The following UNC13C variants were observed in gnomAD, a reference collection of about 807,000 sequenced individuals.
UNC13C encodes the protein protein unc-13 homolog C.
Under a neutral mutation model 245.4 loss-of-function variants are expected in UNC13C, and 174 were observed. The ratio of observed to expected loss-of-function variants is 0.71; its 90% CI spans 0.63 to 0.80. The LOEUF (loss-of-function observed/expected upper bound fraction) is 0.80, where lower values mean the gene tolerates loss of function less well. Among genes scored for constraint, UNC13C ranks in the 30% least tolerant of loss-of-function variants. The pLI is 0.00. For missense variants in UNC13C, 2,829 were observed against 2,602.9 expected (o/e 1.09, Z -1.89); for synonymous variants, 992 against 895.1 (o/e 1.11, Z -1.93).
At chr15:54,110,277 C>T (rs547018596) in intron 2 of UNC13C, among the ~76,000 whole-genome samples, 316 of 15,652 alleles carry the variant, frequency 0.02, 2 homozygotes, top group African/African-American at 0.028. Flanking sequence ...TGAGACGCTG[C>T]CTCAAAAAAA....
chr15:54,368,251 A>C (rs548422048), intron 17 of UNC13C, among the ~76,000 whole-genome samples: 1 of 152,276 alleles, frequency 6.6e-6, no homozygotes, highest in African/African-American at 2.4e-5. Context: ...TGTTATCTAA[A>C]GAATGAATTG....
In UNC13C at chr15:54,114,141, G is replaced by C. The variant is rs150525273; in HGVS notation, c.2984-28877G>C. Among the ~76,000 whole-genome samples the C allele has an allele frequency of 1.2e-4, 19 of 152,216 alleles. No individual in the cohort carries two copies. The East Asian group carries it at 3.3e-3, about 26-fold the overall frequency. Reference sequence around the variant, plus strand: ...ATGTAAATTTTGTAGAAAGCATGATGTTACCTCCTTAATGTATGCATCCTC... The same window carrying C: ...ATGTAAATTTTGTAGAAAGCATGATCTTACCTCCTTAATGTATGCATCCTC... On this transcript the variant is annotated intron_variant, in intron 2 of 32. Transcript: ENST00000260323.
At chr15:54,089,321 C>G (rs1470509943) in intron 2 of UNC13C, among the ~76,000 whole-genome samples, 1 of 152,198 alleles carries the variant, frequency 6.6e-6, no homozygotes, top group Non-Finnish European at 1.5e-5. Flanking sequence ...AAGAATGTGT[C>G]TACAATTACC....
chr15:54,161,108 A>G (rs1476063232), intron 4 of UNC13C, among the ~76,000 whole-genome samples: 4 of 152,070 alleles, frequency 2.6e-5, no homozygotes, highest in Non-Finnish European at 5.9e-5. Context: ...TAATTTTTTT[A>G]ACTATTTAGA....
intron 19 of UNC13C, among the ~76,000 whole-genome samples, chr15:54,430,060 C>G (rs921809249): frequency 7.9e-5 from 12 of 151,596 alleles, no homozygotes; most frequent in African/African-American, 2.9e-4. Context: ...TTATTTTTTA[C>G]AGTATTCTAT....
the UNC13C span, among the ~76,000 whole-genome samples, chr15:53,884,461 G>A: frequency 6.6e-6 from 1 of 152,116 alleles, no homozygotes; most frequent in Non-Finnish European, 1.5e-5. Context: ...CTGAGTAGCT[G>A]AGACTACTGG....
At chr15:53,855,446 C>T in the UNC13C span, among the ~76,000 whole-genome samples, 1 of 152,044 alleles carries the variant, frequency 6.6e-6, no homozygotes, top group Non-Finnish European at 1.5e-5. Flanking sequence ...ATAAATGGCT[C>T]TCATTATTTT....
chr15:54,374,080 T>C (rs1291818774), intron 17 of UNC13C, among the ~76,000 whole-genome samples: 5 of 152,176 alleles, frequency 3.3e-5, no homozygotes, highest in Non-Finnish European at 5.9e-5. Context: ...GCAGCTCCTC[T>C]CTGCAGACAG....
At chr15:54,191,962 T>G (rs757518868) in intron 4 of UNC13C, among the ~76,000 whole-genome samples, 2 of 152,198 alleles carry the variant, frequency 1.3e-5, no homozygotes, top group Admixed American at 6.5e-5. Flanking sequence ...CTTTGTCAGA[T>G]GGATAGATTG....
chr15:53,941,871 A>G, the UNC13C span, among the ~76,000 whole-genome samples: 1 of 152,228 alleles, frequency 6.6e-6, no homozygotes, highest in African/African-American at 2.4e-5. Flanking sequence ...ATCTCATGCC[A>G]TACAGAATGG....
chr15:54,064,361 G>T (rs1319381619), intron 2 of UNC13C, among the ~76,000 whole-genome samples: 1 of 152,130 alleles, frequency 6.6e-6, no homozygotes, highest in African/African-American at 2.4e-5. Flanking sequence ...TTGCAACCTC[G>T]AAGTTTGAGA....
chr15:53,921,527 A>C, the UNC13C span, among the ~76,000 whole-genome samples: 596 of 152,370 alleles, frequency 3.9e-3, 8 homozygotes, highest in African/African-American at 0.013. Flanking sequence ...AAAGGAAGTC[A>C]AATTGCGTAA....
rs544487362 is a variant in UNC13C, at chr15:54,363,198, T to C, written c.4713+24709T>C. Among the ~76,000 whole-genome samples the C allele has an allele frequency of 1.8e-3, 277 of 152,340 alleles. 2 individuals carry two copies. The highest frequency in any genetic ancestry group is 5.3e-4 in the Non-Finnish European group (36 of 68,028). On this transcript the variant is annotated intron_variant, in intron 17 of 32. Coordinates refer to ENST00000260323, the MANE Select transcript of UNC13C (RefSeq NM_001080534.3). ...ATCTCGGCTCACTGCAACCTCTGCC[T>C]CCTGGGTTCAAGTGATTCTCTTGCC...
chr15:53,838,625 C>T, the UNC13C span, among the ~76,000 whole-genome samples: 1 of 151,930 alleles, frequency 6.6e-6, no homozygotes, highest in African/African-American at 2.4e-5. Flanking sequence ...TTATAATGAA[C>T]TATATTTATA....
the UNC13C span, among the ~76,000 whole-genome samples, chr15:53,861,511 A>T: frequency 2.6e-5 from 4 of 152,114 alleles, no homozygotes; most frequent in Non-Finnish European, 5.9e-5. Context: ...ACTTGTTCTT[A>T]GTCAAAAGGC....
At chr15:53,888,631 A>G in the UNC13C span, among the ~76,000 whole-genome samples, 3 of 152,130 alleles carry the variant, frequency 2.0e-5, no homozygotes, top group South Asian at 4.1e-4. Flanking sequence ...GCCCATGCCT[A>G]TGTCCTGAAT....
Position 54,584,926 on chromosome 15 carries a change from C to G in UNC13C, c.6106+16979C>G, listed in dbSNP as rs185390105. On this transcript the variant is annotated intron_variant, in intron 30 of 32. Coordinates refer to ENST00000260323, the MANE Select transcript of UNC13C (RefSeq NM_001080534.3). ...AGGGCATTTTCCACTAATCAGCCCACTAACCAAAGAAACCTAATTTTTCCA... is the reference window on the plus strand; with the variant it reads ...AGGGCATTTTCCACTAATCAGCCCAGTAACCAAAGAAACCTAATTTTTCCA... Among the ~76,000 whole-genome samples, 18 of 152,340 alleles carry G rather than the reference C, an allele frequency of 1.2e-4. No individual in the cohort carries two copies. In the East Asian group the frequency reaches 3.3e-3, roughly 28 times the overall value.
chr15:54,579,417 C>A lies in UNC13C; in HGVS notation c.6106+11470C>A, dbSNP rs190740477. 3.6e-3 allele frequency among the ~76,000 whole-genome samples: 545 copies of A among 152,152 alleles called. 6 individuals carry two copies. The highest frequency in any genetic ancestry group is 0.012 in the African/African-American group (512 of 41,506). The stretch of plus-strand genomic sequence containing the variant: ...TATTCAAAGTGGTAGATTTTGAAGT[C>A]TTTTAAGGCCTTGGATTTAAATCTG... On this transcript the variant is annotated intron_variant, in intron 30 of 32. Coordinates refer to ENST00000260323, the MANE Select transcript of UNC13C (RefSeq NM_001080534.3).
chr15:54,491,690 T>C (rs1158482101), intron 19 of UNC13C, among the ~76,000 whole-genome samples: 1 of 152,170 alleles, frequency 6.6e-6, no homozygotes, highest in African/African-American at 2.4e-5. Context: ...TTGCTTTCAT[T>C]ATTTTCTGTT....
Sources: gnomAD v4.1 joint callset for allele counts (sites outside exome capture counted in the v4.1 genomes callset) on GRCh38, gnomAD v4.1.1 for gene constraint, MANE v1.5 for transcripts, NCBI Gene and HGNC (gene_info 2026-07-23, HGNC 2026-07-21) for gene names.